The following NUB1 variants were observed in gnomAD, a reference collection of about 807,000 sequenced individuals.
NUB1 encodes NEDD8 ultimate buster 1.
Under a neutral mutation model 77.1 loss-of-function variants are expected in NUB1, and 41 were observed. The ratio of observed to expected loss-of-function variants is 0.53; its 90% CI spans 0.41 to 0.69. The LOEUF (loss-of-function observed/expected upper bound fraction) is 0.69, where lower values mean the gene tolerates loss of function less well. NUB1 is among the 30% of genes least tolerant of loss of function. The pLI is 0.00. For missense variants in NUB1, 643 were observed against 743.8 expected, an observed-to-expected ratio of 0.86 and a Z score of 1.58; for synonymous variants, 257 against 281.0, an observed-to-expected ratio of 0.91 and a Z score of 0.85.
intron 4 of NUB1, 126 bp downstream of exon 4, chr7:151,351,608 A>G: frequency 1.4e-6 from 1 of 699,846 alleles, no homozygotes; most frequent in Middle Eastern, 2.5e-4. Context: ...AAAAGAGAAA[A>G]TTGAGGCTTT....
rs1167288747 is a variant in NUB1 at position 151,376,879 on chromosome 7, T to C, written c.1669+68T>C. On this transcript the variant is annotated intron_variant, in intron 14 of 14. Transcript: ENST00000568733. Reference sequence around the variant, plus strand: ...CTTCAGAAGCCAACAGATGTGGCCCTAAGCCACGGCAGATGTGGAGACTGA... The same window carrying C: ...CTTCAGAAGCCAACAGATGTGGCCCCAAGCCACGGCAGATGTGGAGACTGA... The C allele has an allele frequency of 6.0e-6, 9 of 1,498,404 alleles. No individual in the cohort carries two copies. In the Admixed American group the frequency reaches 1.3e-4, roughly 21 times the overall value. The allele number at this position is 1,498,404 out of a possible 1,614,324, so 92.8% of individuals were successfully genotyped here.
At position 151,376,953 on chromosome 7, in the gene NUB1, A is replaced by T. The variant is rs147835858; in HGVS notation, c.1670-94A>T. 6 of 1,407,742 alleles carry T rather than the reference A, an allele frequency of 4.3e-6. No homozygotes were observed. In the East Asian group the frequency reaches 1.3e-4, roughly 29 times the overall value. The allele number at this position is 1,407,742 out of a possible 1,614,324, so 87.2% of individuals were successfully genotyped here. A position where few individuals can be genotyped will look rare whatever the true frequency, so the allele number is the denominator to read the frequency against. On this transcript the variant is annotated intron_variant, in intron 14 of 14. Coordinates refer to ENST00000568733, the MANE Select transcript of NUB1 (RefSeq NM_001243351.2). ...GGCCGGCCACCTGGACAGTGTGGCC[A>T]GCAAGAGGCACAGTCTGAGGTTGAC... is the stretch of plus-strand genomic sequence containing the variant.
At chr7:151,366,195 G>T (rs1273151816) in intron 8 of NUB1, among the ~76,000 whole-genome samples, 2 of 152,084 alleles carry the variant, frequency 1.3e-5, no homozygotes, top group Non-Finnish European at 2.9e-5. Flanking sequence ...CCTTTGCTGC[G>T]CCTGGGTTCA....
Position 151,377,319 on chromosome 7 carries a change from A to T in NUB1, c.*94A>T. The T allele has an allele frequency of 1.1e-4, 83 of 722,644 alleles. No individual in the cohort carries two copies. The highest frequency in any genetic ancestry group is 1.4e-4 in the Non-Finnish European group (65 of 477,002). 44.8% of individuals were successfully genotyped at this position (722,644 alleles called of 1,614,324 possible). ...CTTTCTGTTCTTACTTTTTATCTGA[A>T]TTACAAGTCCTCTTTGGGTGTAGGA... On this transcript the variant is annotated 3_prime_UTR_variant, in exon 15 of 15. Transcript: ENST00000568733.
chr7:151,350,335 A>T (rs891796984), intron 3 of NUB1, among the ~76,000 whole-genome samples: 4 of 152,214 alleles, frequency 2.6e-5, no homozygotes, highest in Non-Finnish European at 4.4e-5. Flanking sequence ...TAACTACCCC[A>T]GGGAGAGGCT....
rs768517587 is a variant in NUB1, at chr7:151,377,049, A to C, written c.1672A>C (p.Thr558Pro). 63 of 1,545,548 alleles carry C rather than the reference A, an allele frequency of 4.1e-5. No homozygotes were observed. Among genetic ancestry groups the C allele is most frequent in the Non-Finnish European group, 5.3e-5 (61 of 1,147,868 alleles). The change falls in exon 15 of 15, where the codon ACC (threonine) becomes CCC (proline). Residue 558 changes from threonine to proline, a missense_variant and splice_region_variant. Physicochemically the swap from Thr to Pro is conservative, Grantham distance 38. Coordinates refer to ENST00000568733, the MANE Select transcript of NUB1 (RefSeq NM_001243351.2). ...PATSPSDSAG[T>P]SSASTDEDME... ...ACTCCTGCGGTATTTTATTGTAGGA[A>C]CCTCTAGTGCCTCAACAGACGAAGA...
intron 4 of NUB1, chr7:151,352,166 A>G (rs1796838650): frequency 4.4e-6 from 2 of 456,558 alleles, no homozygotes; most frequent in South Asian, 3.1e-5. Flanking sequence ...AGCCCCCGCT[A>G]TGGGCTTCTC....
At chr7:151,357,680 G>A (rs1028650506) in intron 7 of NUB1, among the ~76,000 whole-genome samples, 8 of 150,888 alleles carry the variant, frequency 5.3e-5, no homozygotes, top group Non-Finnish European at 1.0e-4. Flanking sequence ...TGCGATCTCA[G>A]CTCACTGCAG....
intron 2 of NUB1, among the ~76,000 whole-genome samples, chr7:151,346,558 T>G (rs189726341): frequency 6.6e-6 from 1 of 152,200 alleles, no homozygotes; most frequent in Non-Finnish European, 1.5e-5. Context: ...TGACTAATAC[T>G]AATGGTCAGT....
chr7:151,376,737 G>A lies in NUB1; in HGVS notation c.1595G>A (p.Ser532Asn), dbSNP rs1042854106. ...CAGACCCTTGCTCACAACGGAGGAA[G>A]CCTGCCTCCCGAGCTGCCGCTGTCG... is the stretch of plus-strand genomic sequence containing the variant. The part of the protein sequence containing the change: ...AAQTLAHNGG[S>N]LPPELPLSPE... The change falls in exon 14 of 15, where the codon AGC becomes AAC. Residue 532 changes from serine (S) to asparagine (N), a missense_variant. Transcript: ENST00000568733. The A allele has an allele frequency of 1.9e-6, 3 of 1,600,680 alleles. No individual in the cohort carries two copies. In the Admixed American group the frequency reaches 5.2e-5, roughly 28 times the overall value.
chr7:151,363,613 T>C (rs760953748), intron 8 of NUB1, among the ~76,000 whole-genome samples: 4 of 151,584 alleles, frequency 2.6e-5, no homozygotes, highest in Non-Finnish European at 4.4e-5. Flanking sequence ...TGATGAAAAC[T>C]ATAAACCCCC....
intron 7 of NUB1, among the ~76,000 whole-genome samples, chr7:151,358,870 C>A (rs1584951079): frequency 6.6e-6 from 1 of 151,418 alleles, no homozygotes; most frequent in East Asian, 2.0e-4. Context: ...CGAGACCATC[C>A]TGGCTAACAC....
chr7:151,375,792 TCTGA>T lies in NUB1; in HGVS notation c.1396-55_1396-52del, dbSNP rs57277870. The T allele has an allele frequency of 2.2e-3, 2,625 of 1,179,972 alleles. 48 individuals carry two copies. The African/African-American group carries it at 0.034, about 15-fold the overall frequency. The allele number at this position is 1,179,972 out of a possible 1,614,324, so 73.1% of individuals were successfully genotyped here. A position where few individuals can be genotyped will look rare whatever the true frequency, so the allele number is the denominator to read the frequency against. ...AGCACATGGCAGGGTGCAGCGCCTG[TCTGA>T]ATGTGTGAAGAGTTCTTAGTGATGG... On this transcript the variant is annotated intron_variant, in intron 12 of 14. Coordinates refer to ENST00000568733, the MANE Select transcript of NUB1 (RefSeq NM_001243351.2).
chr7:151,356,929 C>T (rs902634890), intron 7 of NUB1, among the ~76,000 whole-genome samples: 1 of 152,090 alleles, frequency 6.6e-6, no homozygotes, highest in Non-Finnish European at 1.5e-5. Flanking sequence ...GTTGGTCAGG[C>T]TAGTCTTGAA....
chr7:151,369,030 C>CTCTGTCTCA, intron 11 of NUB1, 143 bp downstream of exon 11: 2 of 957,618 alleles, frequency 2.1e-6, no homozygotes, highest in Non-Finnish European at 2.9e-6. Flanking sequence ...TTTCTTGAGA[C>CTCTGTCTCA]AGAGTCTCAC....
chr7:151,343,148 T>A (rs1230129199), intron 1 of NUB1, among the ~76,000 whole-genome samples: 1 of 152,206 alleles, frequency 6.6e-6, no homozygotes, highest in Non-Finnish European at 1.5e-5. Context: ...TATTTGTGTT[T>A]GAAAAGCTAA....
chr7:151,376,221 C>G, intron 13 of NUB1: 1 of 478,590 alleles, frequency 2.1e-6, no homozygotes, highest in Non-Finnish European at 3.8e-6. Context: ...CCTCATTTCT[C>G]TGCCTGTGAC....
intron 12 of NUB1, 66 bp downstream of exon 12, chr7:151,374,309 A>T: frequency 6.6e-7 from 1 of 1,522,024 alleles, no homozygotes. Flanking sequence ...AGCTCCCTCC[A>T]TGGCTCTCCA....
chr7:151,367,971 A>G lies in NUB1; in HGVS notation c.1095+3A>G. 2 of 1,511,414 alleles carry G rather than the reference A, an allele frequency of 1.3e-6. No individual in the cohort carries two copies. Among genetic ancestry groups the G allele is most frequent in the African/African-American group, 2.8e-5 (2 of 72,150 alleles). 93.6% of individuals were successfully genotyped at this position (1,511,414 alleles called of 1,614,324 possible). A position where few individuals can be genotyped will look rare whatever the true frequency, so the allele number is the denominator to read the frequency against. ...AGGCTTATGAGTATCTTAACAAGGTAAGAAAAGTAAAGTTGTAACCAATTT... is the reference window on the plus strand; with the variant it reads ...AGGCTTATGAGTATCTTAACAAGGTGAGAAAAGTAAAGTTGTAACCAATTT... On this transcript the variant is annotated splice_donor_region_variant and intron_variant, in intron 10 of 14. Coordinates refer to ENST00000568733, the MANE Select transcript of NUB1 (RefSeq NM_001243351.2).
Sources: gnomAD v4.1 joint callset for allele counts (sites outside exome capture counted in the v4.1 genomes callset) on GRCh38, gnomAD v4.1.1 for gene constraint, MANE v1.5 for transcripts, NCBI Gene and HGNC (gene_info 2026-07-23, HGNC 2026-07-21) for gene names.